Variants in HTR2C observed in about 807,000 individuals in gnomAD.
HTR2C encodes the protein 5-hydroxytryptamine (serotonin) receptor 2C, G protein-coupled.
HTR2C carries 5 observed loss-of-function variants against 21.0 expected under a neutral mutation model. That is an observed-to-expected ratio of 0.24 (90% confidence interval 0.12 to 0.50). The LOEUF (loss-of-function observed/expected upper bound fraction) is 0.50, where lower values mean the gene tolerates loss of function less well. Ranked by LOEUF, HTR2C falls within the 20% of genes least tolerant of loss-of-function variation. The pLI is 0.98. For missense variants in HTR2C, 271 were observed against 371.2 expected (o/e 0.73, Z 2.22); for synonymous variants, 150 against 145.3 (o/e 1.03, Z -0.23).
chrX:114,647,062 C>T (rs1556407691), intron 2 of HTR2C, among the ~76,000 whole-genome samples: 1 of 110,734 alleles, frequency 9.0e-6, no homozygotes. Flanking sequence ...AATGGTGGTT[C>T]CCAGAGGCCT....
At chrX:114,722,579 C>T (rs781900480) in intron 2 of HTR2C, among the ~76,000 whole-genome samples, 2,561 of 109,178 alleles carry the variant, frequency 0.023, 86 homozygotes, top group African/African-American at 0.081. Context: ...GAGAGGGCAT[C>T]CCTGTCTTGT....
intron 2 of HTR2C, among the ~76,000 whole-genome samples, chrX:114,658,046 GAAGAGT>G (rs1556409555): frequency 2.7e-5 from 2 of 72,963 alleles, no homozygotes; most frequent in Non-Finnish European, 5.5e-5. Context: ...ATTTTTAGAG[GAAGAGT>G]AAAACAATTT....
At chrX:114,738,172 G>A (rs1432513846) in intron 4 of HTR2C, among the ~76,000 whole-genome samples, 1 of 111,382 alleles carries the variant, frequency 9.0e-6, no homozygotes, top group East Asian at 2.8e-4. Flanking sequence ...TACAGTTTCA[G>A]TTAGACATGG....
chrX:114,603,815 GC>G (rs781950826), intron 1 of HTR2C, among the ~76,000 whole-genome samples: 2,665 of 92,409 alleles, frequency 0.029, 139 homozygotes, highest in African/African-American at 0.1. Context: ...GGTTGTAGAG[GC>G]AGGTATTGAA....
chrX:114,841,097 A>C (rs1466281403), intron 4 of HTR2C, among the ~76,000 whole-genome samples: 1 of 111,990 alleles, frequency 8.9e-6, no homozygotes, highest in Non-Finnish European at 1.9e-5. Flanking sequence ...GAATATTTCA[A>C]CAGCCACATT....
intron 2 of HTR2C, among the ~76,000 whole-genome samples, chrX:114,716,259 A>G (rs1556419785): frequency 8.9e-6 from 1 of 112,857 alleles, no homozygotes; most frequent in Non-Finnish European, 1.9e-5. Flanking sequence ...CTTTAAGTCT[A>G]TCAATTGGGA....
At chrX:114,782,366 A>G (rs1313396706) in intron 4 of HTR2C, among the ~76,000 whole-genome samples, 1 of 111,533 alleles carries the variant, frequency 9.0e-6, no homozygotes, top group Non-Finnish European at 1.9e-5. Context: ...ATGAAGAGCC[A>G]AGTAAATGAT....
At chrX:114,678,053 A>G (rs1432600792) in intron 2 of HTR2C, among the ~76,000 whole-genome samples, 1 of 111,105 alleles carries the variant, frequency 9.0e-6, no homozygotes, top group Non-Finnish European at 1.9e-5. Flanking sequence ...CTTTTGAATC[A>G]GAAGGTCTGG....
intron 5 of HTR2C, among the ~76,000 whole-genome samples, chrX:114,858,984 G>A (rs1316413220): frequency 9.1e-6 from 1 of 109,607 alleles, no homozygotes; most frequent in Non-Finnish European, 1.9e-5. Flanking sequence ...ATACATTTTT[G>A]AATTATATCT....
At chrX:114,735,268 G>T (rs1197712786) in intron 4 of HTR2C, among the ~76,000 whole-genome samples, 14 of 111,065 alleles carry the variant, frequency 1.3e-4, no homozygotes, top group Non-Finnish European at 7.5e-5. Context: ...AGTTAGCCAA[G>T]ATTGAGCCAC....
intron 5 of HTR2C, among the ~76,000 whole-genome samples, chrX:114,850,799 A>T (rs1265020217): frequency 1.8e-5 from 2 of 111,832 alleles, no homozygotes; most frequent in African/African-American, 3.2e-5. Flanking sequence ...ATTACTAAGG[A>T]TTCTAAGACT....
At chrX:114,815,859 G>T (rs1330789741) in intron 4 of HTR2C, among the ~76,000 whole-genome samples, 1 of 111,068 alleles carries the variant, frequency 9.0e-6, no homozygotes, top group Non-Finnish European at 1.9e-5. Flanking sequence ...TCAGTTTTCT[G>T]CTTCTCAATG....
At position 114,761,861 on chromosome X, in the gene HTR2C, ATC is replaced by A. The variant is rs1333777970; in HGVS notation, c.349+30266_349+30267del. Among the ~76,000 whole-genome samples the A allele has an allele frequency of 1.3e-3, 57 of 45,180 alleles. 1 individual carries two copies. The highest frequency in any genetic ancestry group is 3.3e-3 in the African/African-American group (50 of 15,339). 39.2% of individuals were successfully genotyped at this position (45,180 alleles called of 115,157 possible). On this transcript the variant is annotated intron_variant, in intron 4 of 5. Transcript: ENST00000276198. Reference sequence around the variant, plus strand: ...CCCTCCCCCCAAAAGATTACTCTCTATCTCTCTCTCTCTATATATATATATAT... The same window carrying A: ...CCCTCCCCCCAAAAGATTACTCTCTATCTCTCTCTCTATATATATATATAT...
At position 114,869,584 on chromosome X, in the gene HTR2C, C is replaced by T. The variant is rs782543045; in HGVS notation, c.550+21381C>T. ...CTTGTGGAGTCTTTAGGTTTTTCCA[C>T]GTATACTATAATATCATCTGAAAAC... On this transcript the variant is annotated intron_variant, in intron 5 of 5. Coordinates refer to ENST00000276198, the MANE Select transcript of HTR2C (RefSeq NM_000868.4). 1.1e-4 allele frequency among the ~76,000 whole-genome samples: 12 copies of T among 112,020 alleles called. No individual in the cohort carries two copies. In the South Asian group the frequency reaches 2.9e-3, roughly 27 times the overall value.
At chrX:114,778,719 A>C (rs1168776056) in intron 4 of HTR2C, among the ~76,000 whole-genome samples, 1 of 111,134 alleles carries the variant, frequency 9.0e-6, no homozygotes, top group Non-Finnish European at 1.9e-5. Context: ...TCATGTAAAA[A>C]AAAAGTTTAC....
Position 114,802,092 on chromosome X carries a change from A to T in HTR2C, c.350-45911A>T, listed in dbSNP as rs139082278. On this transcript the variant is annotated intron_variant, in intron 4 of 5. Transcript: ENST00000276198. Reference sequence around the variant, plus strand: ...CCCACTTCAAAAAGGTCCATTTATGAAATTTCTTGCATCATTTTTTCAAGA... The same window carrying T: ...CCCACTTCAAAAAGGTCCATTTATGTAATTTCTTGCATCATTTTTTCAAGA... Among the ~76,000 whole-genome samples the T allele has an allele frequency of 5.3e-3, 594 of 111,285 alleles. 3 individuals are homozygous for T. The highest frequency in any genetic ancestry group is 8.9e-3 in the Non-Finnish European group (471 of 52,935).
At chrX:114,844,539 A>T (rs1254263516) in intron 4 of HTR2C, among the ~76,000 whole-genome samples, 4 of 112,220 alleles carry the variant, frequency 3.6e-5, no homozygotes, top group Non-Finnish European at 5.6e-5. Context: ...ATGTGAAAGA[A>T]TTAAATTTTC....
At chrX:114,629,073 T>C (rs782283003) in intron 2 of HTR2C, among the ~76,000 whole-genome samples, 1 of 112,081 alleles carries the variant, frequency 8.9e-6, no homozygotes, top group Non-Finnish European at 1.9e-5. Context: ...TTTATATCTG[T>C]GAAATGATCT....
chrX:114,641,857 C>T (rs782331389), intron 2 of HTR2C, among the ~76,000 whole-genome samples: 1 of 111,183 alleles, frequency 9.0e-6, no homozygotes, highest in African/African-American at 3.3e-5. Context: ...AAGCCCAGCA[C>T]GCATTAGCAT....
Sources: allele counts gnomAD v4.1 joint callset (sites outside exome capture counted in the v4.1 genomes callset), GRCh38; gene constraint gnomAD v4.1.1; transcripts MANE v1.5; gene names NCBI Gene and HGNC (gene_info 2026-07-23, HGNC 2026-07-21).